PLGRKT: variants seen among roughly 807,000 people sequenced by gnomAD.
PLGRKT encodes plasminogen receptor (KT).
Under a neutral mutation model 18.5 loss-of-function variants are expected in PLGRKT, and 22 were observed. The ratio of observed to expected loss-of-function variants is 1.19; its 90% confidence interval spans 0.85 to 1.70. The LOEUF (loss-of-function observed/expected upper bound fraction) is 1.70. PLGRKT is among the 40% of genes most tolerant of loss of function. PLGRKT has a pLI of 0.00. For synonymous variants in PLGRKT, 72 were observed against 52.8 expected, an observed-to-expected ratio of 1.36 and a Z score of -1.58; for missense variants, 235 against 174.4, an observed-to-expected ratio of 1.35 and a Z score of -1.96.
At chr9:5,369,941 G>C (rs1275557992) in intron 3 of PLGRKT, among the ~76,000 whole-genome samples, 1 of 151,354 alleles carries the variant, frequency 6.6e-6, no homozygotes, top group East Asian at 1.9e-4. Flanking sequence ...CCTGTCATGG[G>C]GTAGGGGGAC....
At chr9:5,416,660 G>T (rs1043690083) in intron 3 of PLGRKT, among the ~76,000 whole-genome samples, 1 of 151,690 alleles carries the variant, frequency 6.6e-6, no homozygotes, top group Non-Finnish European at 1.5e-5. Flanking sequence ...AAAAAAAAAA[G>T]CTTTCTGATG....
intron 3 of PLGRKT, among the ~76,000 whole-genome samples, chr9:5,369,090 A>G (rs1326380980): frequency 6.6e-6 from 1 of 152,212 alleles, no homozygotes; most frequent in African/African-American, 2.4e-5. Context: ...TAGCAACAAA[A>G]GCCAAAATTG....
At chr9:5,375,330 G>A (rs952523178) in intron 3 of PLGRKT, among the ~76,000 whole-genome samples, 1 of 152,102 alleles carries the variant, frequency 6.6e-6, no homozygotes, top group Non-Finnish European at 1.5e-5. Flanking sequence ...GGGGGAGGTG[G>A]GGAGGAGCCA....
chr9:5,389,122 C>T (rs11793627), intron 3 of PLGRKT, among the ~76,000 whole-genome samples: 41,924 of 151,660 alleles, frequency 0.28, 6,130 homozygotes, highest in Non-Finnish European at 0.3. Flanking sequence ...CCAAAGATTA[C>T]CTGGATTGGA....
chr9:5,360,706 A>T (rs1817243721), intron 5 of PLGRKT, among the ~76,000 whole-genome samples: 1 of 152,242 alleles, frequency 6.6e-6, no homozygotes, highest in Non-Finnish European at 1.5e-5. Flanking sequence ...GCTATAAATA[A>T]CCAGAGTATG....
chr9:5,420,108 A>C (rs1455745368), intron 3 of PLGRKT, among the ~76,000 whole-genome samples: 1 of 152,258 alleles, frequency 6.6e-6, no homozygotes, highest in Non-Finnish European at 1.5e-5. Flanking sequence ...TGTTAATTGG[A>C]GGAAGCCAGA....
At chr9:5,419,461 C>T (rs1417242247) in intron 3 of PLGRKT, among the ~76,000 whole-genome samples, 11 of 152,234 alleles carry the variant, frequency 7.2e-5, no homozygotes, top group Non-Finnish European at 1.5e-5. Flanking sequence ...GACGCTACAG[C>T]TTCGCGGGGT....
At chr9:5,433,747 G>A (rs1211423520) in intron 2 of PLGRKT, among the ~76,000 whole-genome samples, 1 of 138,830 alleles carries the variant, frequency 7.2e-6, no homozygotes, top group African/African-American at 2.8e-5. Context: ...TGTGAGGAGC[G>A]CCTTTGCCCG....
At chr9:5,424,114 CTATAT>C (rs1408028473) in intron 3 of PLGRKT, among the ~76,000 whole-genome samples, 38 of 132,806 alleles carry the variant, frequency 2.9e-4, no homozygotes, top group South Asian at 2.0e-3. Context: ...GTAATATAGT[CTATAT>C]TATAATATAT....
chr9:5,399,704 G>A (rs956416520), intron 3 of PLGRKT, among the ~76,000 whole-genome samples: 14 of 151,720 alleles, frequency 9.2e-5, no homozygotes, highest in African/African-American at 2.4e-4. Context: ...ATTAAAATAC[G>A]CAGGCCAGGC....
At chr9:5,360,974 G>T in intron 5 of PLGRKT, 104 bp downstream of exon 5, 1 of 672,244 alleles carries the variant, frequency 1.5e-6, no homozygotes, top group African/African-American at 1.8e-5. Flanking sequence ...GGTTCAAAGA[G>T]AGAGTCTTGT....
At chr9:5,364,625 T>G (rs575852999) in intron 3 of PLGRKT, among the ~76,000 whole-genome samples, 116 of 152,336 alleles carry the variant, frequency 7.6e-4, no homozygotes, top group African/African-American at 2.5e-3. Context: ...AGAACTGATC[T>G]ATCTTTGGAA....
In PLGRKT at chr9:5,418,804, T is replaced by G. The variant is rs1586739107; in HGVS notation, c.81+13093A>C. 2 of 925,514 alleles carry G rather than the reference T, an allele frequency of 2.2e-6. No individual in the cohort carries two copies. The highest frequency in any genetic ancestry group is 5.1e-5 in the East Asian group (2 of 39,198). The allele number at this position is 925,514 out of a possible 1,614,324, so 57.3% of individuals were successfully genotyped here. A position where few individuals can be genotyped will look rare whatever the true frequency, so the allele number is the denominator to read the frequency against. Reference sequence around the variant, plus strand: ...CGACACGGAGAAGTCAGGGGGCAGCTTGGTGACACCGCTGCACCAGGGGCA... The same window carrying G: ...CGACACGGAGAAGTCAGGGGGCAGCGTGGTGACACCGCTGCACCAGGGGCA... On this transcript the variant is annotated intron_variant, in intron 3 of 5. Coordinates refer to ENST00000223864, the MANE Select transcript of PLGRKT (RefSeq NM_018465.4). The surrounding 1 kb of genome is among the most constrained non-coding windows in gnomAD (Gnocchi z 4.2).
At chr9:5,368,154 A>G (rs1817435544) in intron 3 of PLGRKT, among the ~76,000 whole-genome samples, 1 of 152,244 alleles carries the variant, frequency 6.6e-6, no homozygotes. Context: ...TAATTCAGTC[A>G]CTGTGGAAAG....
chr9:5,360,902 C>G (rs912313230), intron 5 of PLGRKT, among the ~76,000 whole-genome samples, 176 bp downstream of exon 5: 6 of 152,196 alleles, frequency 3.9e-5, no homozygotes, highest in Non-Finnish European at 8.8e-5. Flanking sequence ...TTCTTGTGAG[C>G]TGGTATGAGC....
intron 3 of PLGRKT, among the ~76,000 whole-genome samples, chr9:5,403,948 C>T (rs1260602233): frequency 6.6e-6 from 1 of 152,034 alleles, no homozygotes; most frequent in South Asian, 2.1e-4. Context: ...AGGGGGATAC[C>T]ACCACTGACA....
At position 5,412,025 on chromosome 9, in the gene PLGRKT, T is replaced by C. The variant is rs947478453; in HGVS notation, c.81+19872A>G. The stretch of plus-strand genomic sequence containing the variant: ...AAACATTGAAAAAGAAAAACTACAA[T>C]GGTATAGTAGCCTCAACAAGCATTA... On this transcript the variant is annotated intron_variant, in intron 3 of 5. Coordinates refer to ENST00000223864, the MANE Select transcript of PLGRKT (RefSeq NM_018465.4). Among the ~76,000 whole-genome samples, 17 of 152,322 alleles carry C rather than the reference T, an allele frequency of 1.1e-4. 1 individual carries two copies. The highest frequency in any genetic ancestry group is 3.8e-4 in the African/African-American group (16 of 41,584).
chr9:5,417,746 G>A (rs1234075977), intron 3 of PLGRKT, among the ~76,000 whole-genome samples: 1 of 148,530 alleles, frequency 6.7e-6, no homozygotes, highest in Admixed American at 6.7e-5. Flanking sequence ...TACAAGTGAA[G>A]AAAATGAAGG....
chr9:5,419,115 A>T (rs1301112004), intron 3 of PLGRKT: 1 of 197,068 alleles, frequency 5.1e-6, no homozygotes, highest in Non-Finnish European at 1.0e-5. Flanking sequence ...CATTTTGTCA[A>T]AGGCCAGGGC....
Sources: allele counts gnomAD v4.1 joint callset (sites outside exome capture counted in the v4.1 genomes callset), GRCh38; gene constraint gnomAD v4.1.1; non-coding constraint Gnocchi (gnomAD v3.1); transcripts MANE v1.5; gene names NCBI Gene and HGNC (gene_info 2026-07-23, HGNC 2026-07-21).